The following CYP4F12 variants were observed in gnomAD, a reference collection of about 807,000 sequenced individuals.
CYP4F12 encodes cytochrome P450 4F12.
A neutral mutation model predicts 56.5 loss-of-function variants in CYP4F12; 60 were observed. That is an observed-to-expected ratio of 1.06 (90% CI 0.86 to 1.32). CYP4F12 has a LOEUF of 1.32. Ranked by LOEUF, CYP4F12 falls within the 40% of genes most tolerant of loss-of-function variation. CYP4F12 has a pLI of 0.00. For synonymous variants in CYP4F12, 263 were observed against 264.9 expected (o/e 0.99, Z 0.07); for missense variants, 711 against 683.5 (o/e 1.04, Z -0.45).
intron 9 of CYP4F12, among the ~76,000 whole-genome samples, chr19:15,695,193 T>A (rs1244378897): frequency 2.0e-5 from 3 of 152,014 alleles, no homozygotes; most frequent in Non-Finnish European, 2.9e-5. Context: ...TGAGTTCATG[T>A]CCCTTGTAGG....
chr19:15,678,569 C>A, intron 3 of CYP4F12, 164 bp downstream of exon 3: 1 of 974,732 alleles, frequency 1.0e-6, no homozygotes, highest in Non-Finnish European at 1.5e-6. Flanking sequence ...TTCTGGGCAC[C>A]ACTGGGGCTC....
intron 12 of CYP4F12, 118 bp from the exon 13 acceptor site, chr19:15,696,788 CTT>C (rs1316245190): frequency 3.7e-6 from 5 of 1,345,336 alleles, no homozygotes; most frequent in Admixed American, 2.7e-5. Flanking sequence ...CACGCTTAGT[CTT>C]TCTCTCTCTC....
chr19:15,684,756 TTGTGTG>T lies in CYP4F12; in HGVS notation c.919-22_919-17del, dbSNP rs3063212. ...TCCGGAGTCTCAGAGATAGTATAAT[TTGTGTG>T]TGTGTGTGTGTGTGTGTGTGTGTGT... is the stretch of plus-strand genomic sequence containing the variant. On this transcript the variant is annotated intron_variant, in intron 7 of 12. Transcript: ENST00000550308. The T allele has an allele frequency of 7.9e-3, 8,291 of 1,042,924 alleles. 20 individuals are homozygous for T. Among genetic ancestry groups the T allele is most frequent in the East Asian group, 0.045 (1,781 of 39,270 alleles). The allele number at this position is 1,042,924 out of a possible 1,614,324, so 64.6% of individuals were successfully genotyped here. A position where few individuals can be genotyped will look rare whatever the true frequency, so the allele number is the denominator to read the frequency against.
intron 9 of CYP4F12, among the ~76,000 whole-genome samples, chr19:15,686,873 C>T (rs1252539727): frequency 2.0e-5 from 3 of 152,120 alleles, no homozygotes; most frequent in Admixed American, 6.5e-5. Flanking sequence ...CGTGTCCTCC[C>T]GTCCAAGCCT....
intron 2 of CYP4F12, among the ~76,000 whole-genome samples, chr19:15,677,608 C>A (rs764991494): frequency 0.3 from 2,785 of 9,246 alleles, 410 homozygotes; most frequent in East Asian, 0.55. Context: ...TCACTCGTTC[C>A]TCTCCTCACT....
chr19:15,687,655 A>G (rs62106493), intron 9 of CYP4F12, among the ~76,000 whole-genome samples: 44,189 of 151,978 alleles, frequency 0.29, 7,129 homozygotes, highest in African/African-American at 0.42. Context: ...TCCTCAGAGT[A>G]AGAGGGGGAG....
intron 3 of CYP4F12, among the ~76,000 whole-genome samples, chr19:15,678,855 T>G (rs596745): frequency 0.93 from 141,161 of 152,240 alleles, 65,504 homozygotes; most frequent in East Asian, 1. Context: ...AGCCAGTCCT[T>G]GCACCAGCCT....
At chr19:15,678,485 G>A (rs539664233) in intron 3 of CYP4F12, 80 bp downstream of exon 3, 2 of 1,548,938 alleles carry the variant, frequency 1.3e-6, no homozygotes, top group African/African-American at 2.7e-5. Context: ...CCCTCCTTGA[G>A]TACTCGTGCC....
intron 6 of CYP4F12, 40 bp downstream of exon 6, chr19:15,682,550 C>T (rs1180044537): frequency 4.3e-6 from 7 of 1,609,466 alleles, no homozygotes; most frequent in Non-Finnish European, 5.1e-6. Flanking sequence ...AATCCATGGA[C>T]CAAAGGGAGA....
chr19:15,683,333 A>G (rs1404794203), intron 6 of CYP4F12, among the ~76,000 whole-genome samples, 160 bp from the exon 7 acceptor site: 1 of 152,128 alleles, frequency 6.6e-6, no homozygotes, highest in African/African-American at 2.4e-5. Context: ...CAGTCTAGAG[A>G]GTCAGTCTCA....
intron 8 of CYP4F12, 77 bp from the exon 9 acceptor site, chr19:15,684,987 CTCCA>C: frequency 6.4e-7 from 1 of 1,574,214 alleles, no homozygotes; most frequent in Non-Finnish European, 8.6e-7. Context: ...TTCCCCCTCC[CTCCA>C]TCCTCCTGAG....
intron 7 of CYP4F12, 138 bp from the exon 8 acceptor site, chr19:15,684,678 G>A: frequency 1.2e-6 from 1 of 815,770 alleles, no homozygotes; most frequent in Non-Finnish European, 1.9e-6. Context: ...GACGTGCAGA[G>A]TGCATTTGAG....
chr19:15,686,926 G>A (rs1007437348), intron 9 of CYP4F12, among the ~76,000 whole-genome samples: 10 of 152,238 alleles, frequency 6.6e-5, no homozygotes, highest in African/African-American at 2.2e-4. Flanking sequence ...CACTTTTTAT[G>A]CTTTTAAAAA....
chr19:15,680,121 C>T (rs529015258), intron 3 of CYP4F12, 123 bp from the exon 4 acceptor site: 58 of 1,322,580 alleles, frequency 4.4e-5, no homozygotes, highest in East Asian at 3.7e-4. Flanking sequence ...GTCCTTTGCC[C>T]TTGGCCCCCT....
At chr19:15,695,504 A>AAT (rs2008082663) in intron 9 of CYP4F12, among the ~76,000 whole-genome samples, 1 of 50,176 alleles carries the variant, frequency 2.0e-5, no homozygotes, top group African/African-American at 1.3e-4. Flanking sequence ...TAATAATAAT[A>AAT]AAAAAAAAAA....
intron 7 of CYP4F12, chr19:15,684,353 G>C (rs1310197535): frequency 6.2e-6 from 1 of 160,372 alleles, no homozygotes; most frequent in Non-Finnish European, 1.4e-5. Flanking sequence ...CCCCTCTCCT[G>C]TGAGATGGCA....
intron 5 of CYP4F12, 130 bp from the exon 6 acceptor site, chr19:15,682,259 G>A (rs10415700): frequency 0.24 from 312,262 of 1,308,552 alleles, 38,622 homozygotes; most frequent in African/African-American, 0.36. Context: ...TCTGGTCCTC[G>A]CTGGCAATGG....
Position 15,685,237 on chromosome 19 carries a change from T to C in CYP4F12, c.1115+40T>C, listed in dbSNP as rs779765639. 10 of 1,603,450 alleles carry C rather than the reference T, an allele frequency of 6.2e-6. No individual in the cohort carries two copies. The East Asian group carries it at 6.7e-5, about 11-fold the overall frequency. ...TTCTGGCCTGTTCCTGAGCCCATCA[T>C]TGGTTCTGCTCCCCAAGTGAGGAGG... On this transcript the variant is annotated intron_variant, in intron 9 of 12. Coordinates refer to ENST00000550308, the MANE Select transcript of CYP4F12 (RefSeq NM_023944.4).
intron 12 of CYP4F12, 38 bp downstream of exon 12, chr19:15,696,550 T>C (rs2144773592): frequency 1.2e-6 from 2 of 1,602,580 alleles, no homozygotes; most frequent in South Asian, 1.1e-5. Context: ...GATGGGATGA[T>C]GGGTGCGGGA....
Sources: gnomAD v4.1 joint callset for allele counts (sites outside exome capture counted in the v4.1 genomes callset) on GRCh38, gnomAD v4.1.1 for gene constraint, MANE v1.5 for transcripts, NCBI Gene and HGNC (gene_info 2026-07-23, HGNC 2026-07-21) for gene names.